SAMD11: variants seen among roughly 807,000 people sequenced by gnomAD.
The protein encoded by SAMD11 is sterile alpha motif domain-containing protein 11.
SAMD11 carries 77 observed loss-of-function variants against 64.4 expected under a neutral mutation model. The ratio of observed to expected loss-of-function variants is 1.20; its 90% CI spans 0.99 to 1.44. The LOEUF (loss-of-function observed/expected upper bound fraction) is 1.44, where lower values mean the gene tolerates loss of function less well. SAMD11 is among the 40% of genes most tolerant of loss of function. SAMD11 has a pLI of 0.00. For missense variants in SAMD11, 1,402 were observed against 943.3 expected, an observed-to-expected ratio of 1.49 and a Z score of -6.37; for synonymous variants, 658 against 421.9, an observed-to-expected ratio of 1.56 and a Z score of -6.86.
rs1640783632 is a variant in SAMD11 at position 924,268 on chromosome 1, G to GGCGGGCGGCGCGTAGGCGGCGGCT, written c.-156_-133dup. 1 of 149,686 alleles carries GGCGGGCGGCGCGTAGGCGGCGGCT rather than the reference G, an allele frequency of 6.7e-6. No homozygotes were observed. The highest frequency in any genetic ancestry group is 6.6e-5 in the Admixed American group (1 of 15,052). 9.3% of individuals were successfully genotyped at this position (149,686 alleles called of 1,614,324 possible). On this transcript the variant is annotated 5_prime_UTR_variant, in exon 1 of 14. Transcript: ENST00000616016. Reference sequence around the variant, plus strand: ...CCGGCTGGGCAGTCCGGGGAGGCCTGGCGGGCGGCGCGTAGGCGGCGGCTG... The same window carrying GGCGGGCGGCGCGTAGGCGGCGGCT: ...CCGGCTGGGCAGTCCGGGGAGGCCTGGCGGGCGGCGCGTAGGCGGCGGCTGCGGGCGGCGCGTAGGCGGCGGCTG...
At position 943,313 on chromosome 1, in the gene SAMD11, A is replaced by C. The variant is rs1020750944; in HGVS notation, c.2114A>C (p.Lys705Thr). 1 of 1,611,690 alleles carries C rather than the reference A, an allele frequency of 6.2e-7. No individual in the cohort carries two copies. Among genetic ancestry groups the C allele is most frequent in the African/African-American group, 1.3e-5 (1 of 74,800 alleles). Reference sequence around the variant, plus strand: ...GCCCCAGCCCCTGAGGACGTCACCAAGTGGACCGTGGATGACGTCTGCAGC... The same window carrying C: ...GCCCCAGCCCCTGAGGACGTCACCACGTGGACCGTGGATGACGTCTGCAGC... ...EEAPAPEDVTKWTVDDVCSFV... is the reference protein window; with the variant it reads ...EEAPAPEDVTTWTVDDVCSFV... The change falls in exon 12 of 14, where the codon AAG becomes ACG. Residue 705 changes from lysine (K) to threonine (T), a missense_variant. Physicochemically the swap from Lys to Thr is moderately conservative, Grantham distance 78. Transcript: ENST00000616016.
chr1:937,086 C>T (rs534962538), intron 5 of SAMD11, among the ~76,000 whole-genome samples: 2 of 152,136 alleles, frequency 1.3e-5, no homozygotes, highest in Non-Finnish European at 1.5e-5. Flanking sequence ...GTGTCCTGGA[C>T]CCGTGTCCAG....
At chr1:926,058 C>G (rs765774982) in intron 2 of SAMD11, 45 bp downstream of exon 2, 5 of 1,565,944 alleles carry the variant, frequency 3.2e-6, no homozygotes, top group Non-Finnish European at 4.4e-6. Flanking sequence ...CTCTCCCCTG[C>G]GGAGCTTGTC....
At position 943,478 on chromosome 1, in the gene SAMD11, T is replaced by C. The variant is rs554298741; in HGVS notation, c.2178+101T>C. 1,042 of 1,089,012 alleles carry C rather than the reference T, an allele frequency of 9.6e-4. 5 individuals are homozygous for C. The highest frequency in any genetic ancestry group is 1.0e-4 in the Non-Finnish European group (78 of 766,060). 67.5% of individuals were successfully genotyped at this position (1,089,012 alleles called of 1,614,324 possible). A position where few individuals can be genotyped will look rare whatever the true frequency, so the allele number is the denominator to read the frequency against. On this transcript the variant is annotated intron_variant, in intron 12 of 13. Coordinates refer to ENST00000616016, the MANE Select transcript of SAMD11 (RefSeq NM_001385641.1). ...GGTAGGGCCATTCCCCAACGCCCTC[T>C]CCCTCCCCAAAAGCAGTGCGCAGCA...
intron 12 of SAMD11, 85 bp from the exon 13 acceptor site, chr1:943,599 AAAATTTCCGTGAGC>A: frequency 7.5e-7 from 1 of 1,337,752 alleles, no homozygotes; most frequent in Non-Finnish European, 9.9e-7. Context: ...CTGTTTTTAA[AAAATTTCCGTGAGC>A]TGCACAAACA....
At chr1:931,770 G>C (rs927489391) in intron 4 of SAMD11, among the ~76,000 whole-genome samples, 1 of 152,244 alleles carries the variant, frequency 6.6e-6, no homozygotes, top group Admixed American at 6.5e-5. Flanking sequence ...CAGGACGGTA[G>C]GGGGTGTGAT....
intron 7 of SAMD11, among the ~76,000 whole-genome samples, chr1:939,727 C>T (rs1226858246): frequency 6.6e-6 from 1 of 152,148 alleles, no homozygotes; most frequent in Non-Finnish European, 1.5e-5. Flanking sequence ...GTCAGCAGCA[C>T]CCCCCGAGGA....
Position 943,801 on chromosome 1 carries a change from G to C in SAMD11, c.2282G>C (p.Arg761Pro), listed in dbSNP as rs748747105. 5.0e-6 allele frequency: 8 copies of C among 1,612,628 alleles called. No individual in the cohort carries two copies. Among genetic ancestry groups the C allele is most frequent in the Admixed American group, 1.7e-5 (1 of 59,986 alleles). ...AAGCTGGGGCCCGCCCTCAAGATCCGGGCCCAGGTGAGACGCTGGGGAGTG... is the reference window on the plus strand; with the variant it reads ...AAGCTGGGGCCCGCCCTCAAGATCCCGGCCCAGGTGAGACGCTGGGGAGTG... The part of the protein sequence containing the change: ...GLKLGPALKI[R>P]AQVARRLGRV... Residue 761 changes from arginine to proline, a missense_variant, in exon 13 of 14, where the codon CGG becomes CCG. Physicochemically the swap from Arg to Pro is moderately radical, Grantham distance 103. Coordinates refer to ENST00000616016, the MANE Select transcript of SAMD11 (RefSeq NM_001385641.1).
chr1:942,380 C>CCGACCCCG, intron 9 of SAMD11, 30 bp from the exon 10 acceptor site: 1 of 1,325,948 alleles, frequency 7.5e-7, no homozygotes, highest in Non-Finnish European at 1.0e-6. Flanking sequence ...CTCGGACCCC[C>CCGACCCCG]CGACCCCGCG....
At chr1:935,622 C>T (rs1641391168) in intron 4 of SAMD11, 150 bp from the exon 5 acceptor site, 14 of 1,065,666 alleles carry the variant, frequency 1.3e-5, no homozygotes, top group Middle Eastern at 2.3e-4. Flanking sequence ...AGTGGCGTCA[C>T]GGGCCACATG....
At chr1:940,377 C>G in intron 7 of SAMD11, 1 of 150,894 alleles carries the variant, frequency 6.6e-6, no homozygotes. Context: ...GGCGCTGGGC[C>G]CCGCTGGGAT....
rs1474630708 is a variant in SAMD11, at chr1:943,725, G to A, written c.2206G>A (p.Glu736Lys). ...CTTCAGGGAGCAGGGGATCGACGGG[G>A]AGACCCTGCCACTGCTGACGGAGGA... is the stretch of plus-strand genomic sequence containing the variant. The part of the protein sequence containing the change: ...RVFREQGIDG[E>K]TLPLLTEEHL... Residue 736 changes from glutamate to lysine, a missense_variant, in exon 13 of 14, where the codon GAG becomes AAG. Glu to Lys is a moderately conservative substitution (Grantham distance 56). Coordinates refer to ENST00000616016, the MANE Select transcript of SAMD11 (RefSeq NM_001385641.1). The A allele has an allele frequency of 1.9e-6, 3 of 1,598,856 alleles. No individual in the cohort carries two copies. The highest frequency in any genetic ancestry group is 1.7e-5 in the Admixed American group (1 of 59,202).
rs903430471 is a variant in SAMD11 at position 942,915 on chromosome 1, C to T, written c.1910C>T (p.Pro637Leu). 1.9e-6 allele frequency: 3 copies of T among 1,555,748 alleles called. No individual in the cohort carries two copies. The highest frequency in any genetic ancestry group is 2.6e-6 in the Non-Finnish European group (3 of 1,150,490). ...EPPKDSDGED[P>L]ETAAVGCRGP... ...CCCAAAGACTCGGACGGAGAGGACC[C>T]CGAGACGGCAGCTGTTGGGTGCAGG... Residue 637 changes from proline (P) to leucine (L), a missense_variant, in exon 11 of 14, where the codon CCC becomes CTC. By Grantham distance (98) the Pro-to-Leu change is moderately conservative. Transcript: ENST00000616016.
chr1:939,222 G>A (rs992034047), intron 6 of SAMD11, 53 bp from the exon 7 acceptor site: 7 of 1,554,074 alleles, frequency 4.5e-6, no homozygotes, highest in Admixed American at 1.9e-5. Flanking sequence ...CTAGAGGGGC[G>A]TGGTCCTCGG....
At position 939,153 on chromosome 1, in the gene SAMD11, G is replaced by A. The variant is rs761625800; in HGVS notation, c.1057+24G>A. 142 of 1,565,412 alleles carry A rather than the reference G, an allele frequency of 9.1e-5. No homozygotes were observed. The East Asian group carries it at 3.3e-3, about 36-fold the overall frequency. On this transcript the variant is annotated intron_variant, in intron 6 of 13. Transcript: ENST00000616016. Reference sequence around the variant, plus strand: ...AGGTAAGAGCGTGGCTGGGACGAGAGACAGGTCACCAGGGGAGGGGGCAGT... The same window carrying A: ...AGGTAAGAGCGTGGCTGGGACGAGAAACAGGTCACCAGGGGAGGGGGCAGT...
At chr1:928,355 G>A (rs376459170) in intron 2 of SAMD11, among the ~76,000 whole-genome samples, 14 of 152,348 alleles carry the variant, frequency 9.2e-5, no homozygotes, top group Middle Eastern at 3.4e-3. Flanking sequence ...TTGTGCCACC[G>A]CACTCCAGCC....
chr1:935,731 A>T, intron 4 of SAMD11, 41 bp from the exon 5 acceptor site: 3 of 1,611,098 alleles, frequency 1.9e-6, no homozygotes, highest in Non-Finnish European at 2.5e-6. Flanking sequence ...CCAGCCTCGC[A>T]GCTGCCCACG....
chr1:941,385 C>G lies in SAMD11; in HGVS notation c.1358+79C>G, dbSNP rs905485672. ...CGCGCTCTCAGCCACCAGCACGCGC[C>G]CCGAGAGTGCCAAGCACTGTGTTCA... On this transcript the variant is annotated intron_variant, in intron 8 of 13. Coordinates refer to ENST00000616016, the MANE Select transcript of SAMD11 (RefSeq NM_001385641.1). The G allele has an allele frequency of 3.0e-6, 4 of 1,334,306 alleles. No homozygotes were observed. The African/African-American group carries it at 5.9e-5, about 20-fold the overall frequency. 82.7% of individuals were successfully genotyped at this position (1,334,306 alleles called of 1,614,324 possible).
intron 4 of SAMD11, among the ~76,000 whole-genome samples, chr1:933,518 C>T (rs1641265826): frequency 6.6e-6 from 1 of 150,744 alleles, no homozygotes; most frequent in African/African-American, 2.4e-5. Flanking sequence ...GAAACTAGTT[C>T]TCCTCCTGCA....
Sources: allele counts gnomAD v4.1 joint callset (sites outside exome capture counted in the v4.1 genomes callset), GRCh38; gene constraint gnomAD v4.1.1; transcripts MANE v1.5; gene names NCBI Gene and HGNC (gene_info 2026-07-23, HGNC 2026-07-21).